Variants in ZXDA observed in about 807,000 individuals in gnomAD.
ZXDA encodes the protein zinc finger X-linked protein ZXDA.
A neutral mutation model predicts 10.1 loss-of-function variants in ZXDA; 5 were observed. The observed-to-expected ratio is 0.50, with a 90% CI of 0.26 to 1.04. The LOEUF is 1.04. ZXDA is among the 50% of genes least tolerant of loss of function. The pLI, the probability that ZXDA is intolerant of heterozygous loss-of-function variation, is 0.14. For synonymous variants in ZXDA, 266 were observed against 313.1 expected, an observed-to-expected ratio of 0.85 and a Z score of 1.59; for missense variants, 501 against 672.4, an observed-to-expected ratio of 0.75 and a Z score of 2.82.
rs374120772 is a variant in ZXDA, at chrX:57,909,821, C to T, written c.600G>A (p.Gln200=). Residue 200 remains glutamine (Q), a synonymous_variant, in exon 1 of 1, where the codon CAG becomes CAA. Transcript: ENST00000358697. ...CTTGGGGGGCGATCAGACACCTGGG[C>T]TGCTGGGCAGGAGCGGCCCCTGGCT... ...AWEPGAAPAQ[Q]PRCLIAPQAG... is the part of the protein sequence containing the mutation. 74 of 1,201,285 alleles carry T rather than the reference C, an allele frequency of 6.2e-5. 1 individual carries two copies. Among genetic ancestry groups the T allele is most frequent in the Admixed American group, 3.3e-4 (15 of 44,996 alleles).
Position 57,909,616 on chromosome X carries a change from A to C in ZXDA, c.805T>G (p.Cys269Gly). Residue 269 changes from cysteine (C) to glycine (G), a missense_variant, in exon 1 of 1, where the codon TGC becomes GGC. Coordinates refer to ENST00000358697, the MANE Select transcript of ZXDA (RefSeq NM_007156.5). ...GSGPGVVLYL[C>G]PEALCGQTFA... The stretch of plus-strand genomic sequence containing the variant: ...GTTTGCCCGCACAGCGCCTCGGGGC[A>C]CAGGTACAGCACCACGCCTGGACCA... 8.3e-7 allele frequency: 1 copy of C among 1,202,415 alleles called. No homozygotes were observed. Among genetic ancestry groups the C allele is most frequent in the Non-Finnish European group, 1.1e-6 (1 of 891,364 alleles).
Position 57,905,664 on chromosome X carries a change from CTT to C in ZXDA, c.*2355_*2356del, listed in dbSNP as rs1434256803. Among the ~76,000 whole-genome samples the C allele has an allele frequency of 9.0e-6, 1 of 111,412 alleles. No homozygotes were observed. The highest frequency in any genetic ancestry group is 3.3e-5 in the African/African-American group (1 of 30,541). ...GGGACAACAGTATTGAAAAAGAAATCTTTTGAAAAAATTGAACAAAAGAAACC... is the reference window on the plus strand; with the variant it reads ...GGGACAACAGTATTGAAAAAGAAATCTTGAAAAAATTGAACAAAAGAAACC... On this transcript the variant is annotated 3_prime_UTR_variant, in exon 1 of 1. Transcript: ENST00000358697.
At position 57,909,081 on chromosome X, in the gene ZXDA, T is replaced by A. The variant is rs1435389484; in HGVS notation, c.1340A>T (p.Glu447Val). ...ATCAAAGTCACAAAGGAAAGGTCTC[T>A]CGCCGGTGTGACTCCGCAGGTGAAT... ...LKIHLRSHTG[E>V]RPFLCDFDGC... Residue 447 changes from glutamate to valine, a missense_variant, in exon 1 of 1, where the codon GAG (glutamate) becomes GTG (valine). Coordinates refer to ENST00000358697, the MANE Select transcript of ZXDA (RefSeq NM_007156.5). The A allele has an allele frequency of 1.7e-6, 2 of 1,211,561 alleles. No homozygotes were observed. Among genetic ancestry groups the A allele is most frequent in the Admixed American group, 4.3e-5 (2 of 46,033 alleles).
In ZXDA at chrX:57,908,358, G is replaced by A; in HGVS notation, c.2063C>T (p.Ser688Phe). The A allele has an allele frequency of 8.5e-7, 1 of 1,176,995 alleles. No homozygotes were observed. Among genetic ancestry groups the A allele is most frequent in the Non-Finnish European group, 1.1e-6 (1 of 876,008 alleles). ...GTAATGFQQS[S>F]LNMDEVSSVS... ...ACTTGAGACCTCATCCATATTTAAG[G>A]AGCTCTGCTGAAAACCAGTGGCCGC... The change falls in exon 1 of 1, where the codon TCC (serine) becomes TTC (phenylalanine). Residue 688 changes from serine (S) to phenylalanine (F), a missense_variant. Ser to Phe is a radical substitution (Grantham distance 155). Transcript: ENST00000358697.
chrX:57,907,435 G>C lies in ZXDA; in HGVS notation c.*586C>G, dbSNP rs2146907513. ...CAAACATTTCACTCTGGGTCTGAGT[G>C]ATAACAAAAGCCCTTGTATTTTCCA... is the stretch of plus-strand genomic sequence containing the variant. On this transcript the variant is annotated 3_prime_UTR_variant, in exon 1 of 1. Coordinates refer to ENST00000358697, the MANE Select transcript of ZXDA (RefSeq NM_007156.5). 9.0e-6 allele frequency: 1 copy of C among 111,550 alleles called. No individual in the cohort carries two copies. The highest frequency in any genetic ancestry group is 3.3e-5 in the African/African-American group (1 of 30,668). 9.2% of individuals were successfully genotyped at this position (111,550 alleles called of 1,213,427 possible).
Position 57,908,964 on chromosome X carries a change from C to T in ZXDA, c.1457G>A (p.Gly486Asp), listed in dbSNP as rs1386862443. ...DDRRFMCPVE[G>D]CGKSFTRAEH... is the part of the protein sequence containing the mutation. ...GGCCCTCGTGAAAGATTTCCCACAG[C>T]CTTCCACAGGGCACATGAACCTCCG... Residue 486 changes from glycine (G) to aspartate (D), a missense_variant, in exon 1 of 1, where the codon GGC becomes GAC. By Grantham distance (94) the Gly-to-Asp change is moderately conservative (BLOSUM62 -1). Around this residue, in one of 5 missense-constraint regions of ZXDA, gnomAD observed 171 missense variants for 262.7 expected, o/e 0.65. Coordinates refer to ENST00000358697, the MANE Select transcript of ZXDA (RefSeq NM_007156.5). 1 of 1,209,649 alleles carries T rather than the reference C, an allele frequency of 8.3e-7. No homozygotes were observed. The highest frequency in any genetic ancestry group is 1.1e-6 in the Non-Finnish European group (1 of 895,165).
At position 57,910,253 on chromosome X, in the gene ZXDA, C is replaced by G; in HGVS notation, c.168G>C (p.Gly56=). The change falls in exon 1 of 1, where the codon GGG becomes GGC. Residue 56 remains glycine (G), a synonymous_variant. Transcript: ENST00000358697. ...LPRGPQDGGP[G]RRREEASTAS... ...CCGTGCTGGCCTCCTCGCGCCGCCG[C>G]CCGGGCCCGCCATCTTGGGGGCCCC... 1 of 1,118,013 alleles carries G rather than the reference C, an allele frequency of 8.9e-7. No homozygotes were observed. Among genetic ancestry groups the G allele is most frequent in the Non-Finnish European group, 1.2e-6 (1 of 856,248 alleles). The allele number at this position is 1,118,013 out of a possible 1,213,427, so 92.1% of individuals were successfully genotyped here.
rs748696995 is a variant in ZXDA at position 57,910,257 on chromosome X, G to A, written c.164C>T (p.Pro55Leu). The change falls in exon 1 of 1, where the codon CCC (proline) becomes CTC (leucine). Residue 55 changes from proline to leucine, a missense_variant. Pro to Leu is a moderately conservative substitution (Grantham distance 98, BLOSUM62 -3). This residue lies in a region of ZXDA where 251 missense variants were observed against 221.6 expected (regional missense o/e 1.13). Coordinates refer to ENST00000358697, the MANE Select transcript of ZXDA (RefSeq NM_007156.5). ...GCTGGCCTCCTCGCGCCGCCGCCCG[G>A]GCCCGCCATCTTGGGGGCCCCGGGG... Reference protein sequence around the residue: ...LLPRGPQDGGPGRRREEASTA... With the variant: ...LLPRGPQDGGLGRRREEASTA... 2 of 1,114,681 alleles carry A rather than the reference G, an allele frequency of 1.8e-6. No individual in the cohort carries two copies. The highest frequency in any genetic ancestry group is 2.3e-6 in the Non-Finnish European group (2 of 854,921). The allele number at this position is 1,114,681 out of a possible 1,213,427, so 91.9% of individuals were successfully genotyped here. A position where few individuals can be genotyped will look rare whatever the true frequency, so the allele number is the denominator to read the frequency against.
rs368719811 is a variant in ZXDA at position 57,910,299 on chromosome X, G to A, written c.122C>T (p.Thr41Met). ...GCCCCGGGGCAGCAGGAGGCGGCGC[G>A]TGGGGACCTGGCCAGCCGGCGAGTC... ...GPDSPAGQVPTRRLLLPRGPQ... is the reference protein window; with the variant it reads ...GPDSPAGQVPMRRLLLPRGPQ... Residue 41 changes from threonine to methionine, a missense_variant, in exon 1 of 1, where the codon ACG becomes ATG. By Grantham distance (81) the Thr-to-Met change is moderately conservative. Coordinates refer to ENST00000358697, the MANE Select transcript of ZXDA (RefSeq NM_007156.5). 2.6e-5 allele frequency: 27 copies of A among 1,055,815 alleles called. No homozygotes were observed. The highest frequency in any genetic ancestry group is 3.0e-5 in the Non-Finnish European group (25 of 827,029). The allele number at this position is 1,055,815 out of a possible 1,213,427, so 87.0% of individuals were successfully genotyped here.
At position 57,907,054 on chromosome X, in the gene ZXDA, C is replaced by T. The variant is rs2014369316; in HGVS notation, c.*967G>A. The T allele has an allele frequency of 8.9e-6, 1 of 112,728 alleles. No individual in the cohort carries two copies. Among genetic ancestry groups the T allele is most frequent in the Non-Finnish European group, 1.9e-5 (1 of 53,277 alleles). 9.3% of individuals were successfully genotyped at this position (112,728 alleles called of 1,213,427 possible). A position where few individuals can be genotyped will look rare whatever the true frequency, so the allele number is the denominator to read the frequency against. ...CAAATTGGTCTAATGGACATGTGGC[C>T]AATGCCACAAAAGAACTGTGTGTAG... On this transcript the variant is annotated 3_prime_UTR_variant, in exon 1 of 1. Coordinates refer to ENST00000358697, the MANE Select transcript of ZXDA (RefSeq NM_007156.5).
Position 57,910,297 on chromosome X carries a change from G to T in ZXDA, c.124C>A (p.Arg42Ser). Residue 42 changes from arginine (R) to serine (S), a missense_variant, in exon 1 of 1, where the codon CGC (arginine) becomes AGC (serine). Arg to Ser is a moderately radical substitution (Grantham distance 110, BLOSUM62 -1). Transcript: ENST00000358697. The stretch of plus-strand genomic sequence containing the variant: ...GGGCCCCGGGGCAGCAGGAGGCGGC[G>T]CGTGGGGACCTGGCCAGCCGGCGAG... Reference protein sequence around the residue: ...PDSPAGQVPTRRLLLPRGPQD... With the variant: ...PDSPAGQVPTSRLLLPRGPQD... 1 of 1,058,254 alleles carries T rather than the reference G, an allele frequency of 9.4e-7. No individual in the cohort carries two copies. Among genetic ancestry groups the T allele is most frequent in the Non-Finnish European group, 1.2e-6 (1 of 828,392 alleles). 87.2% of individuals were successfully genotyped at this position (1,058,254 alleles called of 1,213,427 possible).
rs1379216328 is a variant in ZXDA at position 57,909,445 on chromosome X, T to C, written c.976A>G (p.Lys326Glu). The C allele has an allele frequency of 8.3e-7, 1 of 1,210,560 alleles. No homozygotes were observed. The highest frequency in any genetic ancestry group is 1.1e-6 in the Non-Finnish European group (1 of 895,311). ...KLKRHLQSHD[K>E]LRPFGCPAEG... ...GCAGGGCAGCCGAAGGGCCGCAGTT[T>C]ATCGTGCGACTGCAGGTGCCTCTTG... The change falls in exon 1 of 1, where the codon AAA becomes GAA. Residue 326 changes from lysine to glutamate, a missense_variant. Lys to Glu is a moderately conservative substitution (Grantham distance 56). Transcript: ENST00000358697.
Position 57,910,440 on chromosome X carries a change from G to A in ZXDA, c.-20C>T. On this transcript the variant is annotated 5_prime_UTR_variant, in exon 1 of 1. Transcript: ENST00000358697. ...TTCCATCTCTGCGTCCGAGAGGCTCGGCTGGAACCAGAGCCGAGGAGGAGG... is the reference window on the plus strand; with the variant it reads ...TTCCATCTCTGCGTCCGAGAGGCTCAGCTGGAACCAGAGCCGAGGAGGAGG... 2 of 1,012,094 alleles carry A rather than the reference G, an allele frequency of 2.0e-6. No homozygotes were observed. The highest frequency in any genetic ancestry group is 2.5e-6 in the Non-Finnish European group (2 of 797,516). 83.4% of individuals were successfully genotyped at this position (1,012,094 alleles called of 1,213,427 possible).
Position 57,908,055 on chromosome X carries a change from A to T in ZXDA, c.2366T>A (p.Leu789His), listed in dbSNP as rs1233941454. 8.3e-7 allele frequency: 1 copy of T among 1,210,976 alleles called. No homozygotes were observed. ...AAATGAGCTGCCAGTCACAGTGATA[A>T]GATTTCTTTCTTTCTGAGAACCATG... is the stretch of plus-strand genomic sequence containing the variant. The part of the protein sequence containing the change: ...GNHGSQKERN[L>H]ITVTGSSFLV The change falls in exon 1 of 1, where the codon CTT (leucine) becomes CAT (histidine). Residue 789 changes from leucine to histidine, a missense_variant. Leu to His is a moderately conservative substitution (Grantham distance 99). Around this residue, in one of 5 missense-constraint regions of ZXDA, gnomAD observed 46 missense variants for 54.1 expected, o/e 0.85. Coordinates refer to ENST00000358697, the MANE Select transcript of ZXDA (RefSeq NM_007156.5).
rs150800705 is a variant in ZXDA at position 57,909,392 on chromosome X, G to T, written c.1029C>A (p.Thr343=). 4.8e-4 allele frequency: 585 copies of T among 1,210,201 alleles called. 2 individuals carry two copies. In the African/African-American group the frequency reaches 8.0e-3, roughly 17 times the overall value. The change falls in exon 1 of 1, where the codon ACC becomes ACA. Residue 343 remains threonine (T), a synonymous_variant. Transcript: ENST00000358697. ...PAEGCGKSFT[T]VYNLKAHMKG... is the part of the protein sequence containing the mutation. ...TCATGTGCGCCTTGAGGTTGTACAC[G>T]GTGGTGAAGCTCTTGCCACAGCCCT...
At position 57,909,697 on chromosome X, in the gene ZXDA, G is replaced by C. The variant is rs202155290; in HGVS notation, c.724C>G (p.Gln242Glu). 755 of 1,177,891 alleles carry C rather than the reference G, an allele frequency of 6.4e-4. 1 individual carries two copies. The highest frequency in any genetic ancestry group is 3.0e-3 in the East Asian group (98 of 32,147). Reference sequence around the variant, plus strand: ...GCGGCCAGGCCCTCCGCCTCCTCCTGGGGCGCCGGAGCAGGCGCGGGTTCT... The same window carrying C: ...GCGGCCAGGCCCTCCGCCTCCTCCTCGGGCGCCGGAGCAGGCGCGGGTTCT... ...PAEPAPAPAP[Q>E]EEAEGLAAAL... The change falls in exon 1 of 1, where the codon CAG (glutamine) becomes GAG (glutamate). Residue 242 changes from glutamine (Q) to glutamate (E), a missense_variant. By Grantham distance (29) the Gln-to-Glu change is conservative (BLOSUM62 2). This residue lies in a region of ZXDA where 251 missense variants were observed against 221.6 expected (regional missense o/e 1.13). Coordinates refer to ENST00000358697, the MANE Select transcript of ZXDA (RefSeq NM_007156.5).
Position 57,909,725 on chromosome X carries a change from G to T in ZXDA, c.696C>A (p.Pro232=). 7 of 1,184,999 alleles carry T rather than the reference G, an allele frequency of 5.9e-6. No individual in the cohort carries two copies. Among genetic ancestry groups the T allele is most frequent in the Middle Eastern group, 2.8e-4 (1 of 3,577 alleles). Reference sequence around the variant, plus strand: ...GCGCCGGAGCAGGCGCGGGTTCTGCGGGCTCGGCTAGCAGGAGGTCGGACC... The same window carrying T: ...GCGCCGGAGCAGGCGCGGGTTCTGCTGGCTCGGCTAGCAGGAGGTCGGACC... ...ELRSDLLLAE[P]AEPAPAPAPQ... The change falls in exon 1 of 1, where the codon CCC becomes CCA. Residue 232 remains proline, a synonymous_variant. Transcript: ENST00000358697.
rs1406169208 is a variant in ZXDA at position 57,905,837 on chromosome X, CAG to C, written c.*2182_*2183del. ...CTAAGGGATTAAGGAAACAATGTGACAGAGTTTTAAGATATCTATATAGTTAT... is the reference window on the plus strand; with the variant it reads ...CTAAGGGATTAAGGAAACAATGTGACAGTTTTAAGATATCTATATAGTTAT... On this transcript the variant is annotated 3_prime_UTR_variant, in exon 1 of 1. Coordinates refer to ENST00000358697, the MANE Select transcript of ZXDA (RefSeq NM_007156.5). Among the ~76,000 whole-genome samples the C allele has an allele frequency of 3.6e-5, 4 of 111,710 alleles. No homozygotes were observed. The highest frequency in any genetic ancestry group is 9.8e-5 in the African/African-American group (3 of 30,739).
rs1303921643 is a variant in ZXDA, at chrX:57,907,757, A to T, written c.*264T>A. On this transcript the variant is annotated 3_prime_UTR_variant, in exon 1 of 1. Transcript: ENST00000358697. ...AACAAAACAAAACAAAACTGAAAAG[A>T]CCTTATGAGCAATGTGTTCAAACCA... The T allele has an allele frequency of 1.0e-5, 3 of 297,555 alleles. No homozygotes were observed. Among genetic ancestry groups the T allele is most frequent in the Non-Finnish European group, 1.8e-5 (3 of 167,256 alleles). 24.5% of individuals were successfully genotyped at this position (297,555 alleles called of 1,213,427 possible). A position where few individuals can be genotyped will look rare whatever the true frequency, so the allele number is the denominator to read the frequency against.
Sources: gnomAD v4.1 joint callset for allele counts (sites outside exome capture counted in the v4.1 genomes callset) on GRCh38, gnomAD v4.1.1 for gene constraint, gnomAD v4.1.1 regional missense constraint, MANE v1.5 for transcripts, NCBI Gene and HGNC (gene_info 2026-07-23, HGNC 2026-07-21) for gene names.